The following AQP7B variants were observed in gnomAD, a reference collection of about 807,000 sequenced individuals.
The protein encoded by AQP7B is putative aquaporin-7B.
chr2:94,603,122 G>C, the AQP7B span: 1 of 1,560,420 alleles, frequency 6.4e-7, no homozygotes, highest in Non-Finnish European at 8.7e-7. Context: ...ATGTGCTGGG[G>C]CAGTTCCTGG....
At chr2:94,602,018 A>AGTGTGTGTGTGTGTGT in the AQP7B span, among the ~76,000 whole-genome samples, 9 of 139,946 alleles carry the variant, frequency 6.4e-5, no homozygotes, top group South Asian at 2.4e-4. Context: ...ATTGCGGCGG[A>AGTGTGTGTGTGTGTGT]GTGTGTGTGT....
chr2:94,603,181 G>A, the AQP7B span: 3 of 1,491,298 alleles, frequency 2.0e-6, no homozygotes, highest in Non-Finnish European at 2.8e-6. Context: ...TACAGCAAGT[G>A]TGCTGCCTGG....
the AQP7B span, among the ~76,000 whole-genome samples, chr2:94,588,175 AAT>A: frequency 6.6e-6 from 1 of 152,016 alleles, no homozygotes; most frequent in Non-Finnish European, 1.5e-5. Flanking sequence ...GTAGCACGCA[AAT>A]ATGAGGCTGG....
chr2:94,589,053 G>C, the AQP7B span, among the ~76,000 whole-genome samples: 1 of 150,776 alleles, frequency 6.6e-6, no homozygotes, highest in East Asian at 2.0e-4. Context: ...CACGATCTTG[G>C]GTCACTGCAA....
At chr2:94,601,969 G>A in the AQP7B span, among the ~76,000 whole-genome samples, 2 of 151,948 alleles carry the variant, frequency 1.3e-5, no homozygotes, top group South Asian at 2.1e-4. Context: ...GAAGCTGAGG[G>A]CAAGACAGTT....
chr2:94,602,522 G>T, the AQP7B span: 1 of 1,604,962 alleles, frequency 6.2e-7, no homozygotes, highest in South Asian at 1.1e-5. Context: ...GGCCCATATG[G>T]TTCTAAATAA....
the AQP7B span, among the ~76,000 whole-genome samples, chr2:94,587,738 A>G: frequency 6.6e-6 from 1 of 152,110 alleles, no homozygotes; most frequent in African/African-American, 2.4e-5. Context: ...AGAGAGCTGA[A>G]GACCACCAGC....
At chr2:94,591,250 C>T in the AQP7B span, among the ~76,000 whole-genome samples, 10 of 152,222 alleles carry the variant, frequency 6.6e-5, no homozygotes, top group East Asian at 1.9e-4. Context: ...CTAGCGGGCT[C>T]CTCACACTCA....
chr2:94,600,354 G>A, the AQP7B span, among the ~76,000 whole-genome samples: 12 of 152,148 alleles, frequency 7.9e-5, no homozygotes, highest in Non-Finnish European at 1.5e-5. Flanking sequence ...CATTAAAAAG[G>A]TAAAAAGCAA....
At chr2:94,602,579 G>A in the AQP7B span, 11 of 1,599,654 alleles carry the variant, frequency 6.9e-6, no homozygotes, top group Non-Finnish European at 9.4e-6. Context: ...TGGCTTCGGG[G>A]TCACCATGGG....
chr2:94,603,033 G>A, the AQP7B span: 13 of 1,594,444 alleles, frequency 8.2e-6, no homozygotes, highest in East Asian at 2.3e-5. Flanking sequence ...CCTGCTGCCC[G>A]CAGGAGCCCA....
At chr2:94,603,511 C>T in the AQP7B span, 2 of 1,604,408 alleles carry the variant, frequency 1.2e-6, no homozygotes, top group African/African-American at 2.7e-5. Context: ...GGTCAGTGGT[C>T]CAGGATGAGT....
At chr2:94,602,616 G>A in the AQP7B span, 1 of 1,593,342 alleles carries the variant, frequency 6.3e-7, no homozygotes, top group Non-Finnish European at 8.6e-7. Flanking sequence ...CGCATCTCTG[G>A]TGAGTGAGCC....
the AQP7B span, among the ~76,000 whole-genome samples, chr2:94,590,807 G>A: frequency 1.3e-5 from 2 of 151,656 alleles, no homozygotes; most frequent in Non-Finnish European, 2.9e-5. Context: ...AGCCGGTCAT[G>A]GTGGCATGCT....
chr2:94,596,357 C>G, the AQP7B span, among the ~76,000 whole-genome samples: 2 of 152,172 alleles, frequency 1.3e-5, no homozygotes, highest in Non-Finnish European at 2.9e-5. Flanking sequence ...GCATCTTATG[C>G]AGGGTCCAGG....
At chr2:94,598,219 T>A in the AQP7B span, among the ~76,000 whole-genome samples, 1,332 of 152,276 alleles carry the variant, frequency 8.7e-3, 8 homozygotes, top group African/African-American at 0.017. Context: ...GGCTTTTTTT[T>A]AAAAATATAT....
At chr2:94,601,149 C>G in the AQP7B span, among the ~76,000 whole-genome samples, 2 of 152,214 alleles carry the variant, frequency 1.3e-5, no homozygotes, top group Admixed American at 6.5e-5. Context: ...AGGTAACTGC[C>G]TGGATTTAAT....
the AQP7B span, among the ~76,000 whole-genome samples, chr2:94,597,606 T>A: frequency 6.6e-6 from 1 of 150,414 alleles, no homozygotes; most frequent in Non-Finnish European, 1.5e-5. Context: ...TATCACAGTC[T>A]TTTTTGTTTT....
At chr2:94,596,753 G>A in the AQP7B span, among the ~76,000 whole-genome samples, 1 of 152,152 alleles carries the variant, frequency 6.6e-6, no homozygotes, top group Non-Finnish European at 1.5e-5. Flanking sequence ...AGGATGGATT[G>A]CAGTGGTACG....
Sources: gnomAD v4.1 joint callset for allele counts (sites outside exome capture counted in the v4.1 genomes callset) on GRCh38, gnomAD v4.1.1 for gene constraint, MANE v1.5 for transcripts, NCBI Gene and HGNC (gene_info 2026-07-23, HGNC 2026-07-21) for gene names.